Variants in HTR4 observed in about 807,000 individuals in gnomAD.
The protein encoded by HTR4 is 5-hydroxytryptamine receptor 4.
Under a neutral mutation model 36.8 loss-of-function variants are expected in HTR4, and 16 were observed. The ratio of observed to expected loss-of-function variants is 0.43; its 90% CI spans 0.29 to 0.66. The LOEUF is 0.66. HTR4 is among the 30% of genes least tolerant of loss of function. The pLI is 0.13. For synonymous variants in HTR4, 189 were observed against 185.1 expected (o/e 1.02, Z -0.17); for missense variants, 438 against 490.9 (o/e 0.89, Z 1.02).
chr5:148,507,380 GGGGGGA>G (rs1207082871), intron 6 of HTR4, among the ~76,000 whole-genome samples: 1 of 113,392 alleles, frequency 8.8e-6, no homozygotes, highest in Non-Finnish European at 1.7e-5. Flanking sequence ...GTCGTGGGGT[GGGGGGA>G]GGGGGGAGGG....
At chr5:148,618,531 A>T (rs1281323601) in intron 2 of HTR4, among the ~76,000 whole-genome samples, 3 of 152,230 alleles carry the variant, frequency 2.0e-5, no homozygotes, top group Non-Finnish European at 2.9e-5. Context: ...GGTTGGCAGC[A>T]GCTGTGTTCC....
At chr5:148,609,644 C>A (rs1752326756) in intron 2 of HTR4, among the ~76,000 whole-genome samples, 2 of 150,990 alleles carry the variant, frequency 1.3e-5, no homozygotes, top group South Asian at 4.2e-4. Context: ...AGGCTCACTG[C>A]ACGCTCTGCC....
intron 2 of HTR4, among the ~76,000 whole-genome samples, chr5:148,601,192 G>T (rs1761983631): frequency 1.3e-5 from 2 of 151,742 alleles, no homozygotes; most frequent in Admixed American, 1.3e-4. Flanking sequence ...ATAAAGATAA[G>T]TATTAGCAAG....
intron 2 of HTR4, among the ~76,000 whole-genome samples, chr5:148,560,824 C>T (rs2113866132): frequency 6.6e-6 from 1 of 152,188 alleles, no homozygotes; most frequent in South Asian, 2.1e-4. Flanking sequence ...ATTTCTCCTA[C>T]TAAATTTTAA....
At chr5:148,571,562 C>T (rs1320613367) in intron 2 of HTR4, among the ~76,000 whole-genome samples, 1 of 151,990 alleles carries the variant, frequency 6.6e-6, no homozygotes. Context: ...AGGGGTATTA[C>T]AAGCTATTTG....
chr5:148,575,487 T>G (rs564966795), intron 2 of HTR4, among the ~76,000 whole-genome samples: 5 of 152,178 alleles, frequency 3.3e-5, no homozygotes, highest in Admixed American at 2.0e-4. Flanking sequence ...CATTATGAAC[T>G]GCTGTGGGAG....
downstream of HTR4, chr5:148,476,864 C>A: frequency 6.6e-7 from 1 of 1,513,708 alleles, no homozygotes; most frequent in Admixed American, 2.0e-5. Context: ...AAACCTCATG[C>A]AGTCCTGGAG....
At chr5:148,640,156 C>G (rs1453687416) in intron 1 of HTR4, among the ~76,000 whole-genome samples, 1 of 152,154 alleles carries the variant, frequency 6.6e-6, no homozygotes, top group East Asian at 1.9e-4. Flanking sequence ...TTACATCATT[C>G]TTGTCATCTT....
At chr5:148,464,349 G>C (rs184328408) in intron 5 of HTR4, among the ~76,000 whole-genome samples, 2 of 152,050 alleles carry the variant, frequency 1.3e-5, no homozygotes, top group South Asian at 2.1e-4. Flanking sequence ...GATACCAAAG[G>C]CATACTATTA....
chr5:148,528,683 G>C (rs1412606700), intron 4 of HTR4, among the ~76,000 whole-genome samples: 1 of 151,982 alleles, frequency 6.6e-6, no homozygotes, highest in African/African-American at 2.4e-5. Context: ...TATTGCAGTT[G>C]ATTTTCAGTT....
chr5:148,484,258 A>G, intron 6 of HTR4: 8 of 1,612,260 alleles, frequency 5.0e-6, no homozygotes, highest in Non-Finnish European at 5.9e-6. Flanking sequence ...AATCATAGTT[A>G]CCCCAAGACA....
chr5:148,653,145 C>A (rs1754088062), intron 1 of HTR4, among the ~76,000 whole-genome samples: 1 of 152,154 alleles, frequency 6.6e-6, no homozygotes, highest in Non-Finnish European at 1.5e-5. Context: ...GCCAGAGAAT[C>A]CATCCCAGCG....
At chr5:148,615,795 G>A (rs1394398676) in intron 2 of HTR4, among the ~76,000 whole-genome samples, 5 of 152,096 alleles carry the variant, frequency 3.3e-5, no homozygotes, top group Non-Finnish European at 7.4e-5. Flanking sequence ...TCTTCTTGCA[G>A]ACTGCTCAGG....
intron 2 of HTR4, among the ~76,000 whole-genome samples, chr5:148,613,805 C>A (rs1006451523): frequency 1.1e-4 from 17 of 151,284 alleles, no homozygotes; most frequent in African/African-American, 4.1e-4. Flanking sequence ...CCAAAATCTC[C>A]TTAAGCTGAT....
chr5:148,579,488 T>G (rs758346133), intron 2 of HTR4, among the ~76,000 whole-genome samples: 3 of 152,088 alleles, frequency 2.0e-5, no homozygotes, highest in Non-Finnish European at 4.4e-5. Context: ...GTAAACATAT[T>G]AGTTTTCTAT....
At chr5:148,644,357 A>G (rs1447020762) in intron 1 of HTR4, among the ~76,000 whole-genome samples, 1 of 146,748 alleles carries the variant, frequency 6.8e-6, no homozygotes, top group East Asian at 2.0e-4. Flanking sequence ...TAGTTTTTCT[A>G]TGAAAACCCT....
chr5:148,606,307 A>G (rs1321037785), intron 2 of HTR4, among the ~76,000 whole-genome samples: 1 of 152,170 alleles, frequency 6.6e-6, no homozygotes, highest in Non-Finnish European at 1.5e-5. Flanking sequence ...TGATACAGCT[A>G]GGACACCTGG....
At chr5:148,542,032 T>A (rs1179796922) in intron 4 of HTR4, among the ~76,000 whole-genome samples, 2 of 152,162 alleles carry the variant, frequency 1.3e-5, no homozygotes, top group African/African-American at 4.8e-5. Flanking sequence ...CTGTCTGTAT[T>A]CCCAACTAGA....
intron 4 of HTR4, among the ~76,000 whole-genome samples, chr5:148,534,328 A>G (rs1438534736): frequency 1.3e-5 from 2 of 152,174 alleles, no homozygotes; most frequent in Non-Finnish European, 2.9e-5. Context: ...ACCTCCATGT[A>G]GTGGGAGATC....
Sources: allele counts gnomAD v4.1 joint callset (sites outside exome capture counted in the v4.1 genomes callset), GRCh38; gene constraint gnomAD v4.1.1; transcripts MANE v1.5; gene names NCBI Gene and HGNC (gene_info 2026-07-23, HGNC 2026-07-21).